GLIS3: variants seen among roughly 807,000 people sequenced by gnomAD.
GLIS3 encodes GLIS family zinc finger 3.
Under a neutral mutation model 78.6 loss-of-function variants are expected in GLIS3, and 53 were observed. The observed-to-expected ratio is 0.67, with a 90% CI of 0.54 to 0.85. GLIS3 has a LOEUF of 0.85. GLIS3 is among the 40% of genes least tolerant of loss of function. GLIS3 has a pLI of 0.00. For missense variants in GLIS3, 1,703 were observed against 1,231.1 expected (o/e 1.38, Z -5.74); for synonymous variants, 684 against 509.9 (o/e 1.34, Z -4.60).
chr9:3,962,932 T>C (rs1032592524), intron 4 of GLIS3, among the ~76,000 whole-genome samples: 2 of 133,010 alleles, frequency 1.5e-5, no homozygotes, highest in African/African-American at 5.8e-5. Context: ...TCCAACAAGA[T>C]CTGCTGTGAT....
intron 2 of GLIS3, among the ~76,000 whole-genome samples, chr9:4,138,643 A>G (rs1564104827): frequency 6.6e-6 from 1 of 152,198 alleles, no homozygotes; most frequent in African/African-American, 2.4e-5. Flanking sequence ...TAGGGCCAGA[A>G]TAGCTTCCCT....
chr9:4,271,665 C>T (rs1289451080), intron 2 of GLIS3, among the ~76,000 whole-genome samples: 2 of 152,146 alleles, frequency 1.3e-5, no homozygotes, highest in African/African-American at 4.8e-5. Context: ...ATTAAATCCC[C>T]TTTTACCTAA....
chr9:4,485,210 T>G, the GLIS3 span, among the ~76,000 whole-genome samples: 1 of 152,042 alleles, frequency 6.6e-6, no homozygotes, highest in South Asian at 2.1e-4. Flanking sequence ...AGACAGGGTT[T>G]CACCATGTTG....
At chr9:4,397,542 A>G in the GLIS3 span, among the ~76,000 whole-genome samples, 2 of 151,512 alleles carry the variant, frequency 1.3e-5, no homozygotes, top group Admixed American at 6.6e-5. Context: ...CAAGCAAGGG[A>G]CTTCAAGGCT....
intron 2 of GLIS3, among the ~76,000 whole-genome samples, chr9:4,239,996 T>C (rs1170602000): frequency 1.3e-5 from 2 of 152,230 alleles, no homozygotes; most frequent in African/African-American, 4.8e-5. Flanking sequence ...TTTTTTTACG[T>C]TGAATTATTT....
At chr9:4,420,457 G>T in the GLIS3 span, among the ~76,000 whole-genome samples, 2 of 152,168 alleles carry the variant, frequency 1.3e-5, no homozygotes, top group African/African-American at 4.8e-5. Context: ...TACTCGTAAG[G>T]TGCTGTGATC....
chr9:4,205,735 C>G (rs1358693712), intron 2 of GLIS3, among the ~76,000 whole-genome samples: 5 of 152,184 alleles, frequency 3.3e-5, no homozygotes, highest in Non-Finnish European at 5.9e-5. Context: ...CAAGAATTCT[C>G]CATGATTGTT....
the GLIS3 span, among the ~76,000 whole-genome samples, chr9:4,387,946 A>C: frequency 6.6e-6 from 1 of 152,204 alleles, no homozygotes; most frequent in Non-Finnish European, 1.5e-5. Flanking sequence ...TGGAAAAACG[A>C]CCTAACAAAT....
the GLIS3 span, among the ~76,000 whole-genome samples, chr9:4,403,019 A>G: frequency 6.6e-6 from 1 of 152,256 alleles, no homozygotes; most frequent in African/African-American, 2.4e-5. Context: ...CAAAGCATTT[A>G]TTAATCAAAC....
chr9:3,959,736 C>T (rs950451140), intron 4 of GLIS3, among the ~76,000 whole-genome samples: 1 of 152,194 alleles, frequency 6.6e-6, no homozygotes, highest in Non-Finnish European at 1.5e-5. Flanking sequence ...ACTTTATTAT[C>T]GCTCCCTCCC....
In GLIS3 at chr9:4,132,859, C is replaced by A. The variant is rs949349792; in HGVS notation, c.389-6918G>T. Among the ~76,000 whole-genome samples, 13 of 152,306 alleles carry A rather than the reference C, an allele frequency of 8.5e-5. No individual in the cohort carries two copies. The South Asian group carries it at 2.7e-3, about 32-fold the overall frequency. On this transcript the variant is annotated intron_variant, in intron 2 of 10. Transcript: ENST00000381971. ...ACATATTAGGGTTTGAGTCTTGCCT[C>A]CCGCCCTTACTGGCTGTGTGATATC...
At chr9:4,349,540 A>G (rs557420494), upstream of GLIS3, among the ~76,000 whole-genome samples, 1 of 152,344 alleles carries the variant, frequency 6.6e-6, no homozygotes, top group Admixed American at 6.5e-5. Context: ...CCTGTATGCT[A>G]GATGACCAAA....
Position 3,826,986 on chromosome 9 carries a change from C to G in GLIS3, c.*1286G>C, listed in dbSNP as rs115457453. On this transcript the variant is annotated 3_prime_UTR_variant, in exon 11 of 11. Coordinates refer to ENST00000381971, the MANE Select transcript of GLIS3 (RefSeq NM_001042413.2). ...ACTTCCTATTTAGGCTTGATATTTT[C>G]GACCAAGTGCTATGTGAAAATTCCA... 1 of 152,080 alleles carries G rather than the reference C, an allele frequency of 6.6e-6. No individual in the cohort carries two copies. The allele number at this position is 152,080 out of a possible 1,614,324, so 9.4% of individuals were successfully genotyped here.
At chr9:4,202,671 T>A (rs1331116228) in intron 2 of GLIS3, among the ~76,000 whole-genome samples, 3 of 152,112 alleles carry the variant, frequency 2.0e-5, no homozygotes, top group Non-Finnish European at 4.4e-5. Context: ...ATCTCAAACC[T>A]GTAACCATCA....
Position 3,879,403 on chromosome 9 carries a change from G to GGA in GLIS3, c.2297+22_2297+23dup, listed in dbSNP as rs760231980. The GGA allele has an allele frequency of 8.7e-6, 14 of 1,612,158 alleles. No individual in the cohort carries two copies. The African/African-American group carries it at 1.2e-4, about 14-fold the overall frequency. On this transcript the variant is annotated intron_variant, in intron 8 of 10. Coordinates refer to ENST00000381971, the MANE Select transcript of GLIS3 (RefSeq NM_001042413.2). ...GGAGGTTTGGCGGCGACACCTATTA[G>GGA]GAGAGAGAGACAGATGGCCTTACCT...
chr9:3,897,701 C>G (rs1159854852), intron 7 of GLIS3, among the ~76,000 whole-genome samples: 1 of 152,214 alleles, frequency 6.6e-6, no homozygotes, highest in Non-Finnish European at 1.5e-5. Context: ...GCTTACTGCC[C>G]TTTCTCTCTG....
chr9:4,305,261 T>C (rs1430236534), intron 4 of GLIS3: 16 of 152,154 alleles, frequency 1.1e-4, no homozygotes. Flanking sequence ...CTCAGGCAGG[T>C]GGTATGTTGG....
rs556749113 is a variant in GLIS3 at position 4,119,268 on chromosome 9, G to C, written c.597-387C>G. 3.9e-5 allele frequency among the ~76,000 whole-genome samples: 6 copies of C among 152,248 alleles called. No homozygotes were observed. In the South Asian group the frequency reaches 1.0e-3, roughly 26 times the overall value. Reference sequence around the variant, plus strand: ...AAAGCCAACCAAATAAGTATTTGTTGAGCACCTACTATGTGCAGCATGTTA... The same window carrying C: ...AAAGCCAACCAAATAAGTATTTGTTCAGCACCTACTATGTGCAGCATGTTA... On this transcript the variant is annotated intron_variant, in intron 3 of 10. Transcript: ENST00000381971.
the GLIS3 span, among the ~76,000 whole-genome samples, chr9:4,391,730 C>T: frequency 2.0e-5 from 3 of 152,252 alleles, no homozygotes; most frequent in African/African-American, 7.2e-5. Context: ...TGGTAAAGCA[C>T]TTAGTACAAT....
Sources: allele counts gnomAD v4.1 joint callset (sites outside exome capture counted in the v4.1 genomes callset), GRCh38; gene constraint gnomAD v4.1.1; transcripts MANE v1.5; gene names NCBI Gene and HGNC (gene_info 2026-07-23, HGNC 2026-07-21).